IL17RC: variants seen among roughly 807,000 people sequenced by gnomAD.
IL17RC encodes the protein interleukin-17 receptor C.
Under a neutral mutation model 86.7 loss-of-function variants are expected in IL17RC, and 53 were observed. The observed-to-expected ratio is 0.61, with a 90% CI of 0.49 to 0.77. The LOEUF is 0.77. IL17RC is among the 30% of genes least tolerant of loss of function. The pLI, the probability that IL17RC is intolerant of heterozygous loss-of-function variation, is 0.00. For missense variants in IL17RC, 957 were observed against 940.0 expected, an observed-to-expected ratio of 1.02 and a Z score of -0.24; for synonymous variants, 439 against 413.1, an observed-to-expected ratio of 1.06 and a Z score of -0.76.
rs754096924 is a variant in IL17RC at position 9,933,555 on chromosome 3, G to C, written c.2125G>C (p.Gly709Arg). Residue 709 changes from glycine (G) to arginine (R), a missense_variant, in exon 19 of 19, where the codon GGA (glycine) becomes CGA (arginine). Coordinates refer to ENST00000403601, the MANE Select transcript of IL17RC (RefSeq NM_153460.4). ...GACTCCCGCGCCGGGACGCGGGGTG[G>C]GACCAGGCGCGGGACCTGGGGCGGG... The part of the protein sequence containing the change: ...PGTPAPGRGV[G>R]PGAGPGAGDG... 22 of 1,606,304 alleles carry C rather than the reference G, an allele frequency of 1.4e-5. No individual in the cohort carries two copies. The highest frequency in any genetic ancestry group is 8.5e-7 in the Non-Finnish European group (1 of 1,176,942).
chr3:9,917,582 C>G (rs764674028), intron 1 of IL17RC, 131 bp from the exon 2 acceptor site: 3 of 1,613,478 alleles, frequency 1.9e-6, no homozygotes, highest in Non-Finnish European at 2.5e-6. Flanking sequence ...GGGGCAAGAG[C>G]TGGGTCTGTC....
chr3:9,932,331 A>G (rs2084802596), intron 16 of IL17RC, among the ~76,000 whole-genome samples: 1 of 152,054 alleles, frequency 6.6e-6, no homozygotes, highest in Non-Finnish European at 1.5e-5. Flanking sequence ...AGTTCAAGCG[A>G]TTCTCTTGCC....
chr3:9,930,559 C>A lies in IL17RC; in HGVS notation c.1338+100C>A. 8.2e-7 allele frequency: 1 copy of A among 1,225,502 alleles called. No homozygotes were observed. The highest frequency in any genetic ancestry group is 1.2e-6 in the Non-Finnish European group (1 of 856,434). The allele number at this position is 1,225,502 out of a possible 1,614,324, so 75.9% of individuals were successfully genotyped here. A position where few individuals can be genotyped will look rare whatever the true frequency, so the allele number is the denominator to read the frequency against. ...TATTTAGGCTTATTTTATGTTCAGC[C>A]CTGGGAAAGTTAAGAGTAGAAGAAG... On this transcript the variant is annotated intron_variant, in intron 15 of 18. Coordinates refer to ENST00000403601, the MANE Select transcript of IL17RC (RefSeq NM_153460.4). The surrounding 1 kb of genome is among the most constrained non-coding windows in gnomAD (Gnocchi z 5.8).
chr3:9,917,235 A>G lies in IL17RC; in HGVS notation c.-81A>G. ...ATTCCAGCCCCTGCCACCCACAGAC[A>G]CGGGCTGACTGGGGTGTCTGCCCCC... On this transcript the variant is annotated 5_prime_UTR_variant, in exon 1 of 19. Coordinates refer to ENST00000403601, the MANE Select transcript of IL17RC (RefSeq NM_153460.4). The G allele has an allele frequency of 8.9e-7, 1 of 1,129,464 alleles. No homozygotes were observed. The highest frequency in any genetic ancestry group is 1.3e-6 in the Non-Finnish European group (1 of 794,870). 70.0% of individuals were successfully genotyped at this position (1,129,464 alleles called of 1,614,324 possible).
At chr3:9,932,017 T>G (rs995891310) in intron 16 of IL17RC, among the ~76,000 whole-genome samples, 4 of 152,114 alleles carry the variant, frequency 2.6e-5, no homozygotes, top group African/African-American at 9.7e-5. Context: ...GTGTTAAGTA[T>G]GTATTAACAC....
In IL17RC at chr3:9,932,955, G is replaced by C; in HGVS notation, c.1525G>C (p.Ala509Pro). 1 of 1,606,586 alleles carries C rather than the reference G, an allele frequency of 6.2e-7. No individual in the cohort carries two copies. The highest frequency in any genetic ancestry group is 8.5e-7 in the Non-Finnish European group (1 of 1,178,106). The change falls in exon 19 of 19, where the codon GCC (alanine) becomes CCC (proline). Residue 509 changes from alanine to proline, a missense_variant and splice_region_variant. Ala to Pro is a conservative substitution (Grantham distance 27). Coordinates refer to ENST00000403601, the MANE Select transcript of IL17RC (RefSeq NM_153460.4). ...TCCCCATCTGTTTTCTCCGGCAGCG[G>C]CCGCCAGGGGCCGCGCGGCTCTGCT... Reference protein sequence around the residue: ...LLKQDVRSGAAARGRAALLLY... With the variant: ...LLKQDVRSGAPARGRAALLLY...
chr3:9,917,937 T>G lies in IL17RC; in HGVS notation c.142T>G (p.Cys48Gly). ...TCCACACACAGACAGTGACATACTCTGCCTGCCTGGGGACATCGTGCCTGC... is the reference window on the plus strand; with the variant it reads ...TCCACACACAGACAGTGACATACTCGGCCTGCCTGGGGACATCGTGCCTGC... ...SCRLWDSDILCLPGDIVPAPG... is the reference protein window; with the variant it reads ...SCRLWDSDILGLPGDIVPAPG... The change falls in exon 3 of 19, where the codon TGC becomes GGC. Residue 48 changes from cysteine to glycine, a missense_variant. By Grantham distance (159) the Cys-to-Gly change is radical. Coordinates refer to ENST00000403601, the MANE Select transcript of IL17RC (RefSeq NM_153460.4). The G allele has an allele frequency of 6.2e-7, 1 of 1,613,468 alleles. No individual in the cohort carries two copies. The highest frequency in any genetic ancestry group is 8.5e-7 in the Non-Finnish European group (1 of 1,180,016).
intron 7 of IL17RC, among the ~76,000 whole-genome samples, chr3:9,921,252 C>T (rs2083521011): frequency 6.6e-6 from 1 of 152,078 alleles, no homozygotes; most frequent in Admixed American, 6.5e-5. Context: ...CTCAAAAGTT[C>T]AAGACGAGCC....
At position 9,928,505 on chromosome 3, in the gene IL17RC, A is replaced by C; in HGVS notation, c.1059+19A>C. 6.2e-7 allele frequency: 1 copy of C among 1,612,898 alleles called. No individual in the cohort carries two copies. On this transcript the variant is annotated intron_variant, in intron 11 of 18. Transcript: ENST00000403601. ...TGTGGACGTAAGTGAAGCAGAGGGC[A>C]CCTCCCGTGGTGAGGGGAGAGTGGG...
intron 9 of IL17RC, among the ~76,000 whole-genome samples, chr3:9,924,636 C>T (rs938939957): frequency 2.0e-5 from 3 of 152,198 alleles, no homozygotes; most frequent in Non-Finnish European, 4.4e-5. Context: ...TGAATCTTGG[C>T]TCTTGCCATT....
intron 16 of IL17RC, 113 bp downstream of exon 16, chr3:9,931,056 AAC>A (rs1412715066): frequency 7.0e-6 from 6 of 854,222 alleles, no homozygotes; most frequent in Admixed American, 5.2e-5. Flanking sequence ...AGATCAGATA[AAC>A]AGAGGGTCAT....
rs2083152658 is a variant in IL17RC, at chr3:9,917,261, C to CG, written c.-55_-54insG. ...CGGGCTGACTGGGGTGTCTGCCCCC[C>CG]TTGGGGGGGGGCAGCACAGGGCCTC... On this transcript the variant is annotated 5_prime_UTR_variant, in exon 1 of 19. Coordinates refer to ENST00000403601, the MANE Select transcript of IL17RC (RefSeq NM_153460.4). 20 of 1,382,310 alleles carry CG rather than the reference C, an allele frequency of 1.4e-5. No homozygotes were observed. Among genetic ancestry groups the CG allele is most frequent in the Non-Finnish European group, 1.8e-5 (19 of 1,027,552 alleles). 85.6% of individuals were successfully genotyped at this position (1,382,310 alleles called of 1,614,324 possible). A position where few individuals can be genotyped will look rare whatever the true frequency, so the allele number is the denominator to read the frequency against.
At chr3:9,925,766 T>A (rs1196776909) in intron 9 of IL17RC, among the ~76,000 whole-genome samples, 1 of 152,124 alleles carries the variant, frequency 6.6e-6, no homozygotes, top group Admixed American at 6.6e-5. Context: ...TCCCAAAGCT[T>A]TTCCCCAACC....
Position 9,917,723 on chromosome 3 carries a change from G to C in IL17RC, c.116G>C (p.Cys39Ser). ...TTCTTTCCTTCCCAGGGCCTCTCCTGCCGCCTCTGGGGTAAGTATCCCTAC... is the reference window on the plus strand; with the variant it reads ...TTCTTTCCTTCCCAGGGCCTCTCCTCCCGCCTCTGGGGTAAGTATCCCTAC... ...DATHCSPGLS[C>S]RLWDSDILCL... Residue 39 changes from cysteine (C) to serine (S), a missense_variant, in exon 2 of 19, where the codon TGC becomes TCC. Physicochemically the swap from Cys to Ser is moderately radical, Grantham distance 112. Coordinates refer to ENST00000403601, the MANE Select transcript of IL17RC (RefSeq NM_153460.4). 2.5e-6 allele frequency: 4 copies of C among 1,613,728 alleles called. No homozygotes were observed. The highest frequency in any genetic ancestry group is 3.4e-6 in the Non-Finnish European group (4 of 1,180,012).
At chr3:9,928,879 A>C in intron 12 of IL17RC, 1 of 519,404 alleles carries the variant, frequency 1.9e-6, no homozygotes, top group South Asian at 3.0e-5. Flanking sequence ...GTGACAATGA[A>C]ATAAGAGAAG....
chr3:9,923,977 A>T lies in IL17RC; in HGVS notation c.719A>T (p.Asn240Ile), dbSNP rs750588765. The change falls in exon 8 of 19, where the codon AAT becomes ATT. Residue 240 changes from asparagine (N) to isoleucine (I), a missense_variant. By Grantham distance (149) the Asn-to-Ile change is moderately radical. Coordinates refer to ENST00000403601, the MANE Select transcript of IL17RC (RefSeq NM_153460.4). ...EQHFGLSLYWNQVQGPPKPRW... is the reference protein window; with the variant it reads ...EQHFGLSLYWIQVQGPPKPRW... ...CACTTCGGCCTCTCCCTGTACTGGA[A>T]TCAGGTCCAGGGCCCCCCAAAACCC... The T allele has an allele frequency of 3.7e-6, 6 of 1,614,122 alleles. No individual in the cohort carries two copies. In the Middle Eastern group the frequency reaches 8.2e-4, roughly 222 times the overall value.
chr3:9,923,030 G>T lies in IL17RC; in HGVS notation c.623-851G>T, dbSNP rs552147510. Among the ~76,000 whole-genome samples the T allele has an allele frequency of 2.6e-5, 4 of 151,964 alleles. No homozygotes were observed. The South Asian group carries it at 8.3e-4, about 32-fold the overall frequency. On this transcript the variant is annotated intron_variant, in intron 7 of 18. Transcript: ENST00000403601. ...CTCTACAAAAAATACAAAAAAATCAGCTGGGCATGGTGGCAGGCGCCTGTA... is the reference window on the plus strand; with the variant it reads ...CTCTACAAAAAATACAAAAAAATCATCTGGGCATGGTGGCAGGCGCCTGTA...
Position 9,930,805 on chromosome 3 carries a change from C to A in IL17RC, c.1339-90C>A. Reference sequence around the variant, plus strand: ...AGCCGGGAGATATGCATAGTTGATGCTGGGAATTTGGAGATCAGGCCACCA... The same window carrying A: ...AGCCGGGAGATATGCATAGTTGATGATGGGAATTTGGAGATCAGGCCACCA... On this transcript the variant is annotated intron_variant, in intron 15 of 18. Coordinates refer to ENST00000403601, the MANE Select transcript of IL17RC (RefSeq NM_153460.4). The surrounding 1 kb of genome is among the most constrained non-coding windows in gnomAD (Gnocchi z 5.8). 8.7e-7 allele frequency: 1 copy of A among 1,143,980 alleles called. No individual in the cohort carries two copies. The highest frequency in any genetic ancestry group is 1.3e-6 in the Non-Finnish European group (1 of 750,826). 70.9% of individuals were successfully genotyped at this position (1,143,980 alleles called of 1,614,324 possible).
chr3:9,919,366 C>G (rs1037400149), intron 5 of IL17RC, among the ~76,000 whole-genome samples: 1 of 151,972 alleles, frequency 6.6e-6, no homozygotes, highest in South Asian at 2.1e-4. Flanking sequence ...TAGTTCTGGC[C>G]GGGCACAGTG....
Sources: gnomAD v4.1 joint callset for allele counts (sites outside exome capture counted in the v4.1 genomes callset) on GRCh38, gnomAD v4.1.1 for gene constraint, Gnocchi (gnomAD v3.1) non-coding constraint, MANE v1.5 for transcripts, NCBI Gene and HGNC (gene_info 2026-07-23, HGNC 2026-07-21) for gene names.